ZCWPW2: variants seen among roughly 807,000 people sequenced by gnomAD.
The protein encoded by ZCWPW2 is zinc finger CW-type PWWP domain protein 2.
In ZCWPW2, 45 loss-of-function variants were observed where a neutral mutation model predicts 46.6. That is an observed-to-expected ratio of 0.96 (90% confidence interval 0.76 to 1.24). ZCWPW2 has a LOEUF of 1.24. Among genes scored for constraint, ZCWPW2 ranks in the 50% most tolerant of loss-of-function variants. The probability of loss-of-function intolerance (pLI) is 0.00; values close to 1 mark genes in which losing one functional copy is unlikely to be tolerated. For synonymous variants in ZCWPW2, 152 were observed against 137.1 expected, an observed-to-expected ratio of 1.11 and a Z score of -0.76; for missense variants, 429 against 403.9, an observed-to-expected ratio of 1.06 and a Z score of -0.53.
At chr3:28,375,150 G>T (rs566423191) in intron 1 of ZCWPW2, among the ~76,000 whole-genome samples, 6 of 144,162 alleles carry the variant, frequency 4.2e-5, no homozygotes, top group East Asian at 2.0e-4. Flanking sequence ...TAACTACTTG[G>T]TTTTTTTTTT....
chr3:28,357,433 G>A (rs1282543113), intron 1 of ZCWPW2, among the ~76,000 whole-genome samples: 1 of 152,078 alleles, frequency 6.6e-6, no homozygotes, highest in Non-Finnish European at 1.5e-5. Context: ...ATTATTTTTG[G>A]GATGTCTTTG....
At chr3:28,359,187 T>C (rs921881202) in intron 1 of ZCWPW2, among the ~76,000 whole-genome samples, 2 of 152,244 alleles carry the variant, frequency 1.3e-5, no homozygotes, top group Non-Finnish European at 1.5e-5. Context: ...GCCACCCAAA[T>C]TGTTGTGTAT....
At chr3:28,417,364 C>A (rs1696634545) in intron 3 of ZCWPW2, among the ~76,000 whole-genome samples, 1 of 151,976 alleles carries the variant, frequency 6.6e-6, no homozygotes, top group South Asian at 2.1e-4. Flanking sequence ...GAAATTGAGG[C>A]AATAATTAAT....
At chr3:28,394,114 T>C (rs1695601948) in intron 2 of ZCWPW2, among the ~76,000 whole-genome samples, 1 of 152,130 alleles carries the variant, frequency 6.6e-6, no homozygotes, top group African/African-American at 2.4e-5. Flanking sequence ...AAATTAGTTA[T>C]GTTTTTGTAC....
intron 4 of ZCWPW2, among the ~76,000 whole-genome samples, chr3:28,437,022 G>C (rs548534663): frequency 7.5e-4 from 114 of 152,064 alleles, no homozygotes; most frequent in Non-Finnish European, 9.4e-4. Flanking sequence ...TTCCACTTTG[G>C]AGCTCCTATA....
At chr3:28,488,802 TGA>T (rs1699697281) in intron 5 of ZCWPW2, among the ~76,000 whole-genome samples, 1 of 152,160 alleles carries the variant, frequency 6.6e-6, no homozygotes, top group South Asian at 2.1e-4. Context: ...CTCTTTATGA[TGA>T]GAGTCCCTAC....
At chr3:28,468,507 A>G (rs1209814628) in intron 4 of ZCWPW2, among the ~76,000 whole-genome samples, 2 of 152,196 alleles carry the variant, frequency 1.3e-5, no homozygotes, top group Non-Finnish European at 2.9e-5. Context: ...AGACTACTTC[A>G]GGGCATTTAA....
At chr3:28,488,550 A>C (rs1177720709) in intron 5 of ZCWPW2, among the ~76,000 whole-genome samples, 2 of 152,196 alleles carry the variant, frequency 1.3e-5, no homozygotes, top group Non-Finnish European at 2.9e-5. Flanking sequence ...AATTATTGAA[A>C]TAAGATAAAT....
At chr3:28,431,741 C>T (rs1697266666) in intron 3 of ZCWPW2, among the ~76,000 whole-genome samples, 1 of 152,120 alleles carries the variant, frequency 6.6e-6, no homozygotes, top group Non-Finnish European at 1.5e-5. Flanking sequence ...TATAACAACA[C>T]AGTGAGGAAC....
chr3:28,357,797 T>TTATATATATATATATATATATATATATA (rs3068920), intron 1 of ZCWPW2, among the ~76,000 whole-genome samples: 10 of 140,416 alleles, frequency 7.1e-5, no homozygotes, highest in African/African-American at 2.4e-4. Context: ...TTGGTATATT[T>TTATATATATATATATATATATATATATA]TATATATATA....
intron 4 of ZCWPW2, among the ~76,000 whole-genome samples, chr3:28,435,907 ACT>A (rs766832535): frequency 3.9e-5 from 6 of 152,116 alleles, no homozygotes; most frequent in East Asian, 1.9e-4. Context: ...AGAAGAGGAG[ACT>A]CTATGTTATA....
intron 3 of ZCWPW2, among the ~76,000 whole-genome samples, chr3:28,413,957 T>A (rs1161964835): frequency 2.0e-5 from 3 of 152,064 alleles, no homozygotes; most frequent in Non-Finnish European, 4.4e-5. Context: ...TTTCTTTAGA[T>A]TTATGTAGAT....
intron 4 of ZCWPW2, among the ~76,000 whole-genome samples, chr3:28,475,369 C>T (rs1464044801): frequency 6.6e-6 from 1 of 152,188 alleles, no homozygotes; most frequent in Non-Finnish European, 1.5e-5. Flanking sequence ...CCCTGGTCCA[C>T]ACTGCCATCA....
intron 4 of ZCWPW2, among the ~76,000 whole-genome samples, chr3:28,436,713 A>G (rs1481322745): frequency 6.6e-6 from 1 of 152,206 alleles, no homozygotes; most frequent in Non-Finnish European, 1.5e-5. Context: ...ATAACACCAT[A>G]TAAATCAATT....
At chr3:28,357,930 A>G (rs1448799976) in intron 1 of ZCWPW2, among the ~76,000 whole-genome samples, 4 of 151,592 alleles carry the variant, frequency 2.6e-5, no homozygotes, top group Non-Finnish European at 5.9e-5. Context: ...GAGTGAAGAC[A>G]AAGACTTTGA....
intron 2 of ZCWPW2, among the ~76,000 whole-genome samples, chr3:28,402,805 TTATCTC>T (rs1696001863): frequency 6.6e-6 from 1 of 152,168 alleles, no homozygotes; most frequent in East Asian, 1.9e-4. Flanking sequence ...AATCACATGA[TTATCTC>T]AATAGACACA....
At chr3:28,376,436 T>C (rs756820450) in intron 1 of ZCWPW2, among the ~76,000 whole-genome samples, 2 of 152,032 alleles carry the variant, frequency 1.3e-5, no homozygotes, top group Non-Finnish European at 2.9e-5. Flanking sequence ...TAGATTTATG[T>C]TTGGAGTTTC....
Position 28,493,212 on chromosome 3 carries a change from A to G in ZCWPW2, c.657+1039A>G, listed in dbSNP as rs1310460518. Among the ~76,000 whole-genome samples, 8 of 136,592 alleles carry G rather than the reference A, an allele frequency of 5.9e-5. No homozygotes were observed. The East Asian group carries it at 1.7e-3, about 29-fold the overall frequency. 89.6% of individuals were successfully genotyped at this position (136,592 alleles called of 152,430 possible). ...TGTGCACATTGTGCAGGTTAGTTAC[A>G]TATGTATACATGTGCCATGCTGGTG... On this transcript the variant is annotated intron_variant, in intron 6 of 9. Coordinates refer to ENST00000383768, the MANE Select transcript of ZCWPW2 (RefSeq NM_001040432.4).
intron 2 of ZCWPW2, among the ~76,000 whole-genome samples, chr3:28,396,710 A>G (rs1695715166): frequency 6.6e-6 from 1 of 152,238 alleles, no homozygotes. Context: ...GAGCGAAAGT[A>G]TGACAACTTT....
Sources: gnomAD v4.1 joint callset for allele counts (sites outside exome capture counted in the v4.1 genomes callset) on GRCh38, gnomAD v4.1.1 for gene constraint, MANE v1.5 for transcripts, NCBI Gene and HGNC (gene_info 2026-07-23, HGNC 2026-07-21) for gene names.